Variants in FOXP2 observed in about 807,000 individuals in gnomAD.
FOXP2 encodes the protein forkhead box P2.
A neutral mutation model predicts 115.8 loss-of-function variants in FOXP2; 12 were observed. The observed-to-expected ratio is 0.10, with a 90% CI of 0.07 to 0.17. The LOEUF (loss-of-function observed/expected upper bound fraction) is 0.17, where lower values mean the gene tolerates loss of function less well. Among genes scored for constraint, FOXP2 ranks in the 10% least tolerant of loss-of-function variants. The pLI is 1.00. For missense variants in FOXP2, 629 were observed against 843.5 expected (o/e 0.75, Z 3.15); for synonymous variants, 328 against 297.7 (o/e 1.10, Z -1.05).
intron 1 of FOXP2, among the ~76,000 whole-genome samples, chr7:114,127,557 A>G (rs554140617): frequency 6.6e-6 from 1 of 152,306 alleles, no homozygotes; most frequent in East Asian, 1.9e-4. Flanking sequence ...ATGATATCAC[A>G]TCTTTTTCTT....
intron 3 of FOXP2, among the ~76,000 whole-genome samples, chr7:114,616,344 G>A (rs1214726061): frequency 1.3e-5 from 2 of 152,054 alleles, no homozygotes; most frequent in South Asian, 2.1e-4. Flanking sequence ...TGTATTTTTA[G>A]TAGAGAATGT....
chr7:114,526,496 A>T (rs1798880144), intron 2 of FOXP2, among the ~76,000 whole-genome samples: 1 of 151,696 alleles, frequency 6.6e-6, no homozygotes, highest in South Asian at 2.1e-4. Flanking sequence ...AACAAAAAAA[A>T]AAACACAACA....
At chr7:114,439,787 T>A (rs1039583889) in intron 2 of FOXP2, among the ~76,000 whole-genome samples, 2 of 152,086 alleles carry the variant, frequency 1.3e-5, no homozygotes, top group Admixed American at 1.3e-4. Context: ...TTGCCCAGAC[T>A]GGTCTTGAAC....
At chr7:114,102,732 A>ACACACC (rs757957770) in intron 1 of FOXP2, among the ~76,000 whole-genome samples, 2,323 of 146,176 alleles carry the variant, frequency 0.016, 28 homozygotes, top group Non-Finnish European at 0.019. Context: ...ACACACACAC[A>ACACACC]CCCCAATGGT....
At chr7:114,356,241 A>G (rs1791614248) in intron 2 of FOXP2, among the ~76,000 whole-genome samples, 1 of 152,118 alleles carries the variant, frequency 6.6e-6, no homozygotes, top group African/African-American at 2.4e-5. Context: ...TGTTAAGCAA[A>G]CTGATTTTAG....
intron 1 of FOXP2, among the ~76,000 whole-genome samples, chr7:114,240,973 C>A (rs1217843087): frequency 6.6e-6 from 1 of 151,774 alleles, no homozygotes; most frequent in Non-Finnish European, 1.5e-5. Flanking sequence ...TTGTATTAAT[C>A]ATATAAAGAT....
intron 2 of FOXP2, among the ~76,000 whole-genome samples, chr7:114,438,452 G>T (rs1794450023): frequency 6.6e-6 from 1 of 151,716 alleles, no homozygotes; most frequent in South Asian, 2.1e-4. Context: ...ATTCACAGAA[G>T]AAAACCCATA....
chr7:114,480,273 C>T (rs573755518), intron 2 of FOXP2, among the ~76,000 whole-genome samples: 1 of 151,016 alleles, frequency 6.6e-6, no homozygotes, highest in South Asian at 2.1e-4. Context: ...CCCTCTTCCT[C>T]CTCTGTTGTA....
chr7:114,293,295 T>G (rs1796655401), intron 2 of FOXP2, among the ~76,000 whole-genome samples: 1 of 152,174 alleles, frequency 6.6e-6, no homozygotes, highest in African/African-American at 2.4e-5. Context: ...CTCTCTCTGT[T>G]TCTGTCTCTT....
At chr7:114,095,806 T>C (rs1799635742) in intron 1 of FOXP2, among the ~76,000 whole-genome samples, 2 of 152,216 alleles carry the variant, frequency 1.3e-5, no homozygotes, top group Non-Finnish European at 1.5e-5. Context: ...GCTCTCCTTT[T>C]TAATGGACTT....
At chr7:114,620,553 C>T (rs1400618872) in intron 3 of FOXP2, among the ~76,000 whole-genome samples, 1 of 151,954 alleles carries the variant, frequency 6.6e-6, no homozygotes, top group Non-Finnish European at 1.5e-5. Flanking sequence ...AAAAAGTAAT[C>T]GTAGAAGTCT....
chr7:114,481,848 T>C (rs2129237866), intron 2 of FOXP2, among the ~76,000 whole-genome samples: 1 of 151,276 alleles, frequency 6.6e-6, no homozygotes, highest in South Asian at 2.1e-4. Flanking sequence ...TTAGAAGTTG[T>C]AACCCGGTAA....
intron 1 of FOXP2, among the ~76,000 whole-genome samples, chr7:114,178,475 A>T (rs1466562237): frequency 6.6e-6 from 1 of 151,958 alleles, no homozygotes; most frequent in Non-Finnish European, 1.5e-5. Context: ...AAAGGATTTG[A>T]TTCTAAGCAA....
At chr7:114,425,387 A>G (rs1793799863) in intron 1 of FOXP2, among the ~76,000 whole-genome samples, 1 of 151,566 alleles carries the variant, frequency 6.6e-6, no homozygotes, top group Non-Finnish European at 1.5e-5. Flanking sequence ...CCATTAGGTT[A>G]TGGCACAGGA....
chr7:114,568,863 C>G (rs1801151520), intron 3 of FOXP2, among the ~76,000 whole-genome samples: 1 of 151,794 alleles, frequency 6.6e-6, no homozygotes, highest in African/African-American at 2.4e-5. Flanking sequence ...AGGAGTGAGA[C>G]TTATTCTTGT....
intron 2 of FOXP2, among the ~76,000 whole-genome samples, chr7:114,359,573 G>T (rs574439194): frequency 2.0e-5 from 3 of 152,356 alleles, no homozygotes; most frequent in Admixed American, 6.5e-5. Flanking sequence ...GCTGTATCCA[G>T]CAAAGCCAGA....
intron 3 of FOXP2, among the ~76,000 whole-genome samples, chr7:114,543,189 C>G (rs1172696847): frequency 1.3e-5 from 2 of 152,096 alleles, no homozygotes; most frequent in African/African-American, 4.8e-5. Flanking sequence ...CACTAAGTTC[C>G]TTTTCCCAAA....
chr7:114,255,126 T>G (rs1163459407), intron 1 of FOXP2, among the ~76,000 whole-genome samples: 1 of 152,068 alleles, frequency 6.6e-6, no homozygotes, highest in African/African-American at 2.4e-5. Flanking sequence ...GAACAGCAAA[T>G]GTTGCTGCCT....
intron 2 of FOXP2, among the ~76,000 whole-genome samples, chr7:114,490,664 C>A (rs191710116): frequency 6.6e-6 from 1 of 152,226 alleles, no homozygotes; most frequent in Non-Finnish European, 1.5e-5. Context: ...CATACCCCCA[C>A]CTCACAACAG....
Sources: allele counts gnomAD v4.1 joint callset (sites outside exome capture counted in the v4.1 genomes callset), GRCh38; gene constraint gnomAD v4.1.1; transcripts MANE v1.5; gene names NCBI Gene and HGNC (gene_info 2026-07-23, HGNC 2026-07-21).